TSHR: variants seen among roughly 807,000 people sequenced by gnomAD.
The protein encoded by TSHR is thyroid stimulating hormone receptor.
Under a neutral mutation model 64.1 loss-of-function variants are expected in TSHR, and 51 were observed. The ratio of observed to expected loss-of-function variants is 0.80; its 90% confidence interval spans 0.64 to 1.01. The LOEUF is 1.01. Ranked by LOEUF, TSHR falls within the 50% of genes least tolerant of loss-of-function variation. The pLI is 0.00. For missense variants in TSHR, 877 were observed against 942.8 expected, an observed-to-expected ratio of 0.93 and a Z score of 0.91; for synonymous variants, 361 against 361.9, an observed-to-expected ratio of 1.00 and a Z score of 0.03.
Position 81,143,252 on chromosome 14 carries a change from T to C in TSHR, c.1194T>C (p.Cys398=). The change falls in exon 10 of 10, where the codon TGT becomes TGC. Residue 398 remains cysteine, a synonymous_variant. Coordinates refer to ENST00000298171, the MANE Select transcript of TSHR (RefSeq NM_000369.5). ...TICGDSEDMV[C]TPKSDEFNPC... ...GTGGGGACAGTGAAGACATGGTGTG[T>C]ACCCCCAAGTCCGATGAGTTCAACC... 6.2e-7 allele frequency: 1 copy of C among 1,614,182 alleles called. No homozygotes were observed.
At chr14:81,104,286 C>A in intron 7 of TSHR, 1 of 985,432 alleles carries the variant, frequency 1.0e-6, no homozygotes, top group Non-Finnish European at 1.2e-6. Flanking sequence ...ATTAGCAACG[C>A]TGTGGGAGGA....
At chr14:81,104,335 C>T in intron 7 of TSHR, 1 of 985,392 alleles carries the variant, frequency 1.0e-6, no homozygotes, top group Non-Finnish European at 1.2e-6. Context: ...ATGAGAGTCT[C>T]ACAACATAAT....
At chr14:81,114,686 A>G (rs1444603392) in intron 8 of TSHR, among the ~76,000 whole-genome samples, 2 of 152,216 alleles carry the variant, frequency 1.3e-5, no homozygotes, top group African/African-American at 4.8e-5. Context: ...CCACAGCTCA[A>G]GGAGGCCTGC....
chr14:80,982,318 G>C (rs1888213522), intron 1 of TSHR: 2 of 1,125,116 alleles, frequency 1.8e-6, no homozygotes, highest in South Asian at 3.2e-5. Flanking sequence ...TGATGCCTGG[G>C]TCTGGGCTGA....
At chr14:81,113,026 T>C (rs1890296286) in intron 8 of TSHR, among the ~76,000 whole-genome samples, 1 of 152,166 alleles carries the variant, frequency 6.6e-6, no homozygotes. Context: ...ATAGGAGCAT[T>C]TTGAGCATAG....
chr14:80,984,783 C>A (rs902456811), intron 1 of TSHR, among the ~76,000 whole-genome samples: 30 of 152,278 alleles, frequency 2.0e-4, no homozygotes, highest in African/African-American at 7.0e-4. Context: ...CTGGCAGTGT[C>A]AGAAAAATAG....
chr14:81,125,823 C>T (rs71416860), intron 8 of TSHR, among the ~76,000 whole-genome samples: 12,870 of 151,850 alleles, frequency 0.085, 658 homozygotes, highest in African/African-American at 0.14. Context: ...CCAAAGGAGC[C>T]GAGTTGTTGG....
chr14:81,046,388 T>C (rs1885167978), intron 1 of TSHR, among the ~76,000 whole-genome samples: 1 of 150,830 alleles, frequency 6.6e-6, no homozygotes, highest in African/African-American at 2.4e-5. Flanking sequence ...TAAAAATATA[T>C]AAAATGAAAA....
In TSHR at chr14:81,064,027, G is replaced by T. The variant is rs968253963; in HGVS notation, c.242+1808G>T. On this transcript the variant is annotated intron_variant, in intron 2 of 9. Transcript: ENST00000298171. ...AAAACTTAGGTCTAAGTTAGTACAGGGTCTTGTAAATCATGTGAAGGAGTT... is the reference window on the plus strand; with the variant it reads ...AAAACTTAGGTCTAAGTTAGTACAGTGTCTTGTAAATCATGTGAAGGAGTT... Among the ~76,000 whole-genome samples the T allele has an allele frequency of 2.0e-5, 3 of 152,092 alleles. No individual in the cohort carries two copies. The South Asian group carries it at 6.2e-4, about 32-fold the overall frequency.
At chr14:80,974,677 G>A (rs1887774902) in intron 1 of TSHR, among the ~76,000 whole-genome samples, 6 of 152,158 alleles carry the variant, frequency 3.9e-5, no homozygotes, top group Admixed American at 3.3e-4. Flanking sequence ...ATGTACTTGT[G>A]AAGGATTCCT....
intron 1 of TSHR, among the ~76,000 whole-genome samples, chr14:81,056,596 C>A (rs1262690508): frequency 2.0e-5 from 3 of 152,100 alleles, no homozygotes; most frequent in East Asian, 1.9e-4. Flanking sequence ...ATATTTTCAA[C>A]AATTTGGAGA....
At chr14:80,968,625 G>C (rs1191680413) in intron 1 of TSHR, among the ~76,000 whole-genome samples, 1 of 152,162 alleles carries the variant, frequency 6.6e-6, no homozygotes, top group East Asian at 1.9e-4. Context: ...GAAAGACCCA[G>C]ACTTCAGCTC....
chr14:81,031,458 GA>G (rs1483856973), intron 1 of TSHR, among the ~76,000 whole-genome samples: 2 of 152,124 alleles, frequency 1.3e-5, no homozygotes, highest in African/African-American at 4.8e-5. Flanking sequence ...TTAATATTTA[GA>G]AAAAAACATG....
intron 1 of TSHR, among the ~76,000 whole-genome samples, chr14:81,047,017 G>A (rs1340849641): frequency 6.6e-6 from 1 of 152,114 alleles, no homozygotes; most frequent in Non-Finnish European, 1.5e-5. Flanking sequence ...AGCAAAAGTT[G>A]AGCGAAGTCA....
intron 1 of TSHR, among the ~76,000 whole-genome samples, chr14:80,971,726 T>G (rs179256): frequency 0.86 from 130,234 of 152,218 alleles, 56,407 homozygotes; most frequent in East Asian, 1. Context: ...AATTTATCCT[T>G]GGACATACTC....
intron 3 of TSHR, among the ~76,000 whole-genome samples, chr14:81,070,625 C>CAAAAAAAAAAAAAAAAAA (rs60958301): frequency 6.3e-5 from 1 of 15,808 alleles, no homozygotes; most frequent in African/African-American, 1.9e-4. Context: ...GATTCCATCT[C>CAAAAAAAAAAAAAAAAAA]AAAAAAAAAA....
chr14:81,045,849 T>C (rs1382415462), intron 1 of TSHR, among the ~76,000 whole-genome samples: 1 of 152,240 alleles, frequency 6.6e-6, no homozygotes, highest in Non-Finnish European at 1.5e-5. Flanking sequence ...TTAACATCTC[T>C]AATGATAGTG....
intron 1 of TSHR, chr14:81,001,430 C>G (rs1020872767): frequency 4.3e-6 from 2 of 465,944 alleles, no homozygotes; most frequent in Non-Finnish European, 8.5e-6. Flanking sequence ...AGTAGCAAAT[C>G]TTAGGTGCTT....
At chr14:81,098,824 A>G (rs1283762330) in intron 7 of TSHR, among the ~76,000 whole-genome samples, 1 of 152,178 alleles carries the variant, frequency 6.6e-6, no homozygotes, top group East Asian at 1.9e-4. Context: ...AGAATGGTGG[A>G]TTAGAGAAAG....
Sources: gnomAD v4.1 joint callset for allele counts (sites outside exome capture counted in the v4.1 genomes callset) on GRCh38, gnomAD v4.1.1 for gene constraint, MANE v1.5 for transcripts, NCBI Gene and HGNC (gene_info 2026-07-23, HGNC 2026-07-21) for gene names.